Variants in ETV1 observed in about 807,000 individuals in gnomAD.
ETV1 encodes ETS translocation variant 1.
Under a neutral mutation model 62.3 loss-of-function variants are expected in ETV1, and 27 were observed. The ratio of observed to expected loss-of-function variants is 0.43; its 90% CI spans 0.32 to 0.60. The LOEUF is 0.60. Among genes scored for constraint, ETV1 ranks in the 20% least tolerant of loss-of-function variants. The pLI is 0.06. For missense variants in ETV1, 605 were observed against 605.8 expected (o/e 1.00, Z 0.01); for synonymous variants, 222 against 199.6 (o/e 1.11, Z -0.94).
At chr7:13,970,799 T>C (rs1780820835) in intron 6 of ETV1, among the ~76,000 whole-genome samples, 1 of 152,148 alleles carries the variant, frequency 6.6e-6, no homozygotes, top group East Asian at 1.9e-4. Context: ...AATGGAATTT[T>C]TCTGATCCTG....
At chr7:13,903,588 C>T (rs1782656909) in intron 12 of ETV1, among the ~76,000 whole-genome samples, 1 of 151,806 alleles carries the variant, frequency 6.6e-6, no homozygotes, top group South Asian at 2.1e-4. Flanking sequence ...CATAGTGAAA[C>T]CCCGTCCCTA....
intron 6 of ETV1, among the ~76,000 whole-genome samples, chr7:13,971,879 G>A (rs372911245): frequency 3.9e-4 from 60 of 152,314 alleles, no homozygotes; most frequent in African/African-American, 1.4e-3. Flanking sequence ...GGGAAGCTAA[G>A]GCGGGCGGAT....
chr7:13,954,818 A>G (rs1471703183), intron 6 of ETV1, among the ~76,000 whole-genome samples: 1 of 152,206 alleles, frequency 6.6e-6, no homozygotes, highest in Non-Finnish European at 1.5e-5. Context: ...TCCTTGTTCA[A>G]AACAACCCCA....
intron 6 of ETV1, among the ~76,000 whole-genome samples, chr7:13,964,956 T>G (rs564436436): frequency 1.3e-5 from 2 of 152,236 alleles, no homozygotes; most frequent in South Asian, 4.1e-4. Flanking sequence ...CGTCTCAAGC[T>G]GCAGCTTTGA....
At chr7:13,929,042 T>C (rs1583666638) in intron 9 of ETV1, among the ~76,000 whole-genome samples, 1 of 152,236 alleles carries the variant, frequency 6.6e-6, no homozygotes, top group Non-Finnish European at 1.5e-5. Flanking sequence ...TTTGAGATAA[T>C]TTATATGATT....
intron 6 of ETV1, among the ~76,000 whole-genome samples, chr7:13,965,514 A>C (rs2128487750): frequency 6.6e-6 from 1 of 152,176 alleles, no homozygotes; most frequent in African/African-American, 2.4e-5. Flanking sequence ...AGTATTGGCT[A>C]TCAGGGAGGG....
At chr7:13,896,145 A>G (rs769001246) in intron 13 of ETV1, 58 bp from the exon 14 acceptor site, 173 of 1,473,274 alleles carry the variant, frequency 1.2e-4, no homozygotes, top group Non-Finnish European at 1.4e-4. Flanking sequence ...GGGGAAGGAC[A>G]GGAAGGAAAA....
chr7:13,919,780 C>T (rs1242311366), intron 9 of ETV1, among the ~76,000 whole-genome samples: 3 of 151,660 alleles, frequency 2.0e-5, no homozygotes, highest in South Asian at 2.1e-4. Flanking sequence ...AAACTATATT[C>T]GAAACCTAAA....
rs1477446760 is a variant in ETV1, at chr7:13,989,590, C to A, written c.-312G>T. On this transcript the variant is annotated 5_prime_UTR_variant, in exon 1 of 14. Coordinates refer to ENST00000430479, the MANE Select transcript of ETV1 (RefSeq NM_004956.5). ...GAAGGCCACGCTAGGCGAAAGGCTG[C>A]AAAAACTTCCCTCCAAATTTAATAA... is the stretch of plus-strand genomic sequence containing the variant. 2.5e-6 allele frequency: 1 copy of A among 398,840 alleles called. No homozygotes were observed. Among genetic ancestry groups the A allele is most frequent in the East Asian group, 3.6e-5 (1 of 28,068 alleles). 24.7% of individuals were successfully genotyped at this position (398,840 alleles called of 1,614,324 possible).
intron 6 of ETV1, among the ~76,000 whole-genome samples, chr7:13,964,508 CAT>C (rs1218761448): frequency 1.3e-5 from 2 of 152,094 alleles, no homozygotes; most frequent in Non-Finnish European, 2.9e-5. Flanking sequence ...AGATCACGAT[CAT>C]ACTTAATGTG....
At chr7:13,898,894 G>T (rs2128403517) in intron 13 of ETV1, among the ~76,000 whole-genome samples, 1 of 152,282 alleles carries the variant, frequency 6.6e-6, no homozygotes, top group East Asian at 1.9e-4. Context: ...AGCTACTCAG[G>T]AGGCTGAGGC....
chr7:13,906,251 G>C (rs563413897), intron 12 of ETV1, 179 bp downstream of exon 12: 1 of 453,462 alleles, frequency 2.2e-6, no homozygotes, highest in East Asian at 3.4e-5. Flanking sequence ...GAAGGAACAC[G>C]CAATACATTG....
At chr7:13,935,622 C>A in intron 8 of ETV1, 86 bp downstream of exon 8, 3 of 1,127,828 alleles carry the variant, frequency 2.7e-6, no homozygotes, top group Non-Finnish European at 3.9e-6. Flanking sequence ...CACCTTAAAT[C>A]TACTCTAGGC....
intron 12 of ETV1, among the ~76,000 whole-genome samples, chr7:13,903,363 A>G (rs1435874593): frequency 6.6e-6 from 1 of 152,222 alleles, no homozygotes; most frequent in Non-Finnish European, 1.5e-5. Flanking sequence ...GATAACAACA[A>G]TCAGGGCCTG....
chr7:13,932,665 T>C (rs1786327108), intron 8 of ETV1, among the ~76,000 whole-genome samples: 1 of 152,170 alleles, frequency 6.6e-6, no homozygotes, highest in Non-Finnish European at 1.5e-5. Context: ...TTCTCATCCA[T>C]AATATCATTG....
At position 13,895,834 on chromosome 7, in the gene ETV1, C is replaced by A. The variant is rs752758998; in HGVS notation, c.*32G>T. The stretch of plus-strand genomic sequence containing the variant: ...TGTATCTTGCAGAAAAAAGGAAAAG[C>A]GCAAAAACGCCCTGCTTGACTGTCA... On this transcript the variant is annotated 3_prime_UTR_variant, in exon 14 of 14. Transcript: ENST00000430479. The A allele has an allele frequency of 6.6e-7, 1 of 1,517,922 alleles. No individual in the cohort carries two copies. Among genetic ancestry groups the A allele is most frequent in the Non-Finnish European group, 9.1e-7 (1 of 1,100,866 alleles). The allele number at this position is 1,517,922 out of a possible 1,614,324, so 94.0% of individuals were successfully genotyped here. A position where few individuals can be genotyped will look rare whatever the true frequency, so the allele number is the denominator to read the frequency against.
intron 13 of ETV1, among the ~76,000 whole-genome samples, chr7:13,897,590 G>T (rs1781976504): frequency 1.3e-5 from 2 of 152,150 alleles, no homozygotes; most frequent in Admixed American, 6.5e-5. Context: ...TGGCGCCTCA[G>T]AAAGCCCATT....
upstream of ETV1, chr7:13,990,396 C>G (rs772897222): frequency 6.6e-6 from 1 of 152,158 alleles, no homozygotes; most frequent in Non-Finnish European, 1.5e-5. Flanking sequence ...AAGTATAAGT[C>G]AAAATGGTCC....
At chr7:13,925,238 A>AT in intron 9 of ETV1, among the ~76,000 whole-genome samples, 1 of 152,328 alleles carries the variant, frequency 6.6e-6, no homozygotes, top group Admixed American at 6.5e-5. Context: ...ACCTATTAGG[A>AT]TAACAGAATA....
Sources: gnomAD v4.1 joint callset for allele counts (sites outside exome capture counted in the v4.1 genomes callset) on GRCh38, gnomAD v4.1.1 for gene constraint, MANE v1.5 for transcripts, NCBI Gene and HGNC (gene_info 2026-07-23, HGNC 2026-07-21) for gene names.